Variants in ZNF541 observed in about 807,000 individuals in gnomAD.
The protein encoded by ZNF541 is zinc finger protein 541.
ZNF541 carries 23 observed loss-of-function variants against 123.5 expected under a neutral mutation model. The observed-to-expected ratio is 0.19, with a 90% CI of 0.13 to 0.26. The LOEUF (loss-of-function observed/expected upper bound fraction) is 0.26. Ranked by LOEUF, ZNF541 falls within the 10% of genes least tolerant of loss-of-function variation. The probability of loss-of-function intolerance (pLI) is 1.00; values close to 1 mark genes in which losing one functional copy is unlikely to be tolerated. For missense variants in ZNF541, 1,612 were observed against 1,789.9 expected, an observed-to-expected ratio of 0.90 and a Z score of 1.79; for synonymous variants, 751 against 754.5, an observed-to-expected ratio of 1.00 and a Z score of 0.08.
intron 14 of ZNF541, among the ~76,000 whole-genome samples, chr19:47,528,653 A>G (rs1969421154): frequency 6.6e-6 from 1 of 151,922 alleles, no homozygotes; most frequent in African/African-American, 2.4e-5. Flanking sequence ...ACCTATATAT[A>G]TAAAATTTGT....
Position 47,545,702 on chromosome 19 carries a change from C to T in ZNF541, c.827G>A (p.Arg276His). The change falls in exon 5 of 17, where the codon CGC (arginine) becomes CAC (histidine). Residue 276 changes from arginine (R) to histidine (H), a missense_variant. Physicochemically the swap from Arg to His is conservative, Grantham distance 29. Transcript: ENST00000391901. The surrounding 1 kb of genome is among the most constrained non-coding windows in gnomAD (Gnocchi z 7.5). ...GTGGACGATGCTACTCACGATGCGG[C>T]GCAGGAGGTCCCGGTGGGGCAGGAG... ...GSLLPHRDLL[R>H]RIVSSIVHQK... 1 of 1,547,534 alleles carries T rather than the reference C, an allele frequency of 6.5e-7. No individual in the cohort carries two copies. Among genetic ancestry groups the T allele is most frequent in the African/African-American group, 1.4e-5 (1 of 73,068 alleles).
Position 47,538,196 on chromosome 19 carries a change from G to C in ZNF541, c.3040C>G (p.Leu1014Val), listed in dbSNP as rs1333378564. The C allele has an allele frequency of 2.6e-6, 4 of 1,551,558 alleles. No homozygotes were observed. In the South Asian group the frequency reaches 3.6e-5, roughly 14 times the overall value. Residue 1014 changes from leucine (L) to valine (V), a missense_variant, in exon 9 of 17, where the codon CTC becomes GTC. Coordinates refer to ENST00000391901, the MANE Select transcript of ZNF541 (RefSeq NM_001277075.3). ...REGSGVYFNTLCSTSTQASPD... is the reference protein window; with the variant it reads ...REGSGVYFNTVCSTSTQASPD... ...CTGGCCTGAGTGGACGTGGAACAGA[G>C]GGTGTTGAAGTACACCCCAGAGCCC...
At chr19:47,553,985 CAGTCCAATGGAAT>C (rs1354045964) in intron 3 of ZNF541, among the ~76,000 whole-genome samples, 1 of 152,234 alleles carries the variant, frequency 6.6e-6, no homozygotes, top group Non-Finnish European at 1.5e-5. Flanking sequence ...TATGGTCTAA[CAGTCCAATGGAAT>C]AGCTATTTCA....
intron 5 of ZNF541, among the ~76,000 whole-genome samples, chr19:47,542,057 G>A (rs1230046494): frequency 2.6e-5 from 4 of 152,206 alleles, no homozygotes; most frequent in South Asian, 2.1e-4. Flanking sequence ...TCATGGAAAG[G>A]AATGCAGCTC....
rs1178215203 is a variant in ZNF541, at chr19:47,545,134, G to A, written c.1395C>T (p.Gly465=). Residue 465 remains glycine (G), a synonymous_variant, in exon 5 of 17, where the codon GGC becomes GGT. Transcript: ENST00000391901. This position sits in a 1 kb window ranked among gnomAD's most constrained non-coding sequence, Gnocchi z 7.5. The part of the protein sequence containing the change: ...SPSEESPPGP[G]GGLEDALPFP... ...AGGGCAGAGCATCCTCCAGGCCACC[G>A]CCGGGGCCGGGCGGGGACTCCTCCG... 7.4e-6 allele frequency: 11 copies of A among 1,482,226 alleles called. No individual in the cohort carries two copies. Among genetic ancestry groups the A allele is most frequent in the Non-Finnish European group, 9.0e-6 (10 of 1,117,202 alleles). 91.8% of individuals were successfully genotyped at this position (1,482,226 alleles called of 1,614,324 possible). A position where few individuals can be genotyped will look rare whatever the true frequency, so the allele number is the denominator to read the frequency against.
chr19:47,533,824 A>T, intron 9 of ZNF541, among the ~76,000 whole-genome samples: 1 of 152,188 alleles, frequency 6.6e-6, no homozygotes, highest in South Asian at 2.1e-4. Flanking sequence ...ACAGAGTGAG[A>T]TTCCATCTCA....
intron 3 of ZNF541, among the ~76,000 whole-genome samples, chr19:47,551,076 A>C (rs923383952): frequency 7.1e-6 from 1 of 140,574 alleles, no homozygotes; most frequent in Non-Finnish European, 1.5e-5. Flanking sequence ...TTTGAGACTG[A>C]GTCTTACTCT....
chr19:47,544,655 G>C lies in ZNF541; in HGVS notation c.1874C>G (p.Ala625Gly). ...CCCGGGTGTGGTTTTTCTCCTGCGG[G>C]CTGGGGAGCCCTCTGCCTCGGGGTT... ...PGNPEAEGSP[A>G]RRRKTTPGVP... Residue 625 changes from alanine (A) to glycine (G), a missense_variant, in exon 5 of 17, where the codon GCC (alanine) becomes GGC (glycine). Ala to Gly is a moderately conservative substitution (Grantham distance 60). This residue lies in a region of ZNF541 where 1,080 missense variants were observed against 1,013.8 expected (regional missense o/e 1.07). Coordinates refer to ENST00000391901, the MANE Select transcript of ZNF541 (RefSeq NM_001277075.3). 6.5e-7 allele frequency: 1 copy of C among 1,543,494 alleles called. No homozygotes were observed.
chr19:47,539,301 T>C (rs1033762686), intron 8 of ZNF541, among the ~76,000 whole-genome samples: 18 of 149,056 alleles, frequency 1.2e-4, no homozygotes, highest in East Asian at 3.9e-4. Flanking sequence ...GATTTTCTTT[T>C]TTTTTTTTTT....
At chr19:47,544,033 ACT>A (rs1229073065) in intron 5 of ZNF541, 91 bp downstream of exon 5, 21 of 1,372,392 alleles carry the variant, frequency 1.5e-5, no homozygotes, top group Middle Eastern at 1.9e-4. Flanking sequence ...GCATCTGGGG[ACT>A]CTCTGAAATG....
At chr19:47,556,004 T>G in intron 2 of ZNF541, 50 bp from the exon 3 acceptor site, 1 of 847,018 alleles carries the variant, frequency 1.2e-6, no homozygotes. Context: ...AAAACAGCAT[T>G]GTGGGCAGAG....
chr19:47,534,729 A>T (rs896347407), intron 9 of ZNF541, among the ~76,000 whole-genome samples: 1 of 152,164 alleles, frequency 6.6e-6, no homozygotes, highest in Non-Finnish European at 1.5e-5. Flanking sequence ...TGATACTGGC[A>T]TAAGGATAAG....
At chr19:47,529,520 G>GC in intron 13 of ZNF541, 57 bp downstream of exon 13, 1 of 1,522,538 alleles carries the variant, frequency 6.6e-7, no homozygotes. Context: ...AACAGAGCTG[G>GC]CCGATTCATA....
rs190817016 is a variant in ZNF541, at chr19:47,559,943, A to C, written c.-98-3989T>G. Reference sequence around the variant, plus strand: ...CTGCCCCATCCCTACTCCCTGGCTCAGCAGTGGTCTCGAAGGTAGCAGCCC... The same window carrying C: ...CTGCCCCATCCCTACTCCCTGGCTCCGCAGTGGTCTCGAAGGTAGCAGCCC... On this transcript the variant is annotated intron_variant, in intron 2 of 16. Transcript: ENST00000391901. 3.4e-3 allele frequency among the ~76,000 whole-genome samples: 516 copies of C among 151,956 alleles called. 3 individuals carry two copies. The highest frequency in any genetic ancestry group is 0.012 in the African/African-American group (489 of 41,436).
chr19:47,521,051 A>G lies in ZNF541; in HGVS notation c.*173T>C, dbSNP rs147755042. ...ACAGGGACTGCATAGCTGTCCGACA[A>G]CTGAGCTCCTCCTGCCTATCTGTGG... On this transcript the variant is annotated 3_prime_UTR_variant, in exon 17 of 17. Transcript: ENST00000391901. The surrounding 1 kb of genome is among the most constrained non-coding windows in gnomAD (Gnocchi z 4.2). 328 of 738,738 alleles carry G rather than the reference A, an allele frequency of 4.4e-4. 1 individual carries two copies. Among genetic ancestry groups the G allele is most frequent in the Middle Eastern group, 3.9e-3 (10 of 2,560 alleles). 45.8% of individuals were successfully genotyped at this position (738,738 alleles called of 1,614,324 possible). A position where few individuals can be genotyped will look rare whatever the true frequency, so the allele number is the denominator to read the frequency against.
rs971920008 is a variant in ZNF541, at chr19:47,538,423, C to A, written c.2813G>T (p.Gly938Val). Residue 938 changes from glycine to valine, a missense_variant, in exon 9 of 17, where the codon GGG (glycine) becomes GTG (valine). Coordinates refer to ENST00000391901, the MANE Select transcript of ZNF541 (RefSeq NM_001277075.3). Reference protein sequence around the residue: ...GSMAMGQEKDGEERDSKESSQ... With the variant: ...GSMAMGQEKDVEERDSKESSQ... ...GCTCTCCTTGCTGTCTCGCTCCTCC[C>A]CGTCTTTCTCTTGTCCCTGAAGAAG... The A allele has an allele frequency of 1.3e-6, 2 of 1,521,916 alleles. No individual in the cohort carries two copies. 94.3% of individuals were successfully genotyped at this position (1,521,916 alleles called of 1,614,324 possible).
At chr19:47,535,729 T>G (rs1471177437) in intron 9 of ZNF541, among the ~76,000 whole-genome samples, 4 of 146,486 alleles carry the variant, frequency 2.7e-5, no homozygotes, top group African/African-American at 7.4e-5. Flanking sequence ...CCAGAGTTGT[T>G]TTTTTTTTTT....
intron 2 of ZNF541, among the ~76,000 whole-genome samples, chr19:47,567,668 A>G (rs993559214): frequency 6.6e-5 from 10 of 152,254 alleles, no homozygotes; most frequent in African/African-American, 1.9e-4. Flanking sequence ...AAAAATGTGA[A>G]AGAAAAAATC....
chr19:47,548,375 G>C (rs1970449723), intron 4 of ZNF541, among the ~76,000 whole-genome samples: 1 of 139,700 alleles, frequency 7.2e-6, no homozygotes, highest in East Asian at 2.2e-4. Context: ...CCTGGGAGGT[G>C]AAGGTTGTAG....
Sources: gnomAD v4.1 joint callset for allele counts (sites outside exome capture counted in the v4.1 genomes callset) on GRCh38, gnomAD v4.1.1 for gene constraint, gnomAD v4.1.1 regional missense constraint, Gnocchi (gnomAD v3.1) non-coding constraint, MANE v1.5 for transcripts, NCBI Gene and HGNC (gene_info 2026-07-23, HGNC 2026-07-21) for gene names.